Variants in RBMS3 observed in about 807,000 individuals in gnomAD.
RBMS3 encodes the protein RNA binding motif single stranded interacting protein 3.
In RBMS3, 27 loss-of-function variants were observed where a neutral mutation model predicts 66.8. The ratio of observed to expected loss-of-function variants is 0.40; its 90% CI spans 0.30 to 0.56. The LOEUF is 0.56. Ranked by LOEUF, RBMS3 falls within the 20% of genes least tolerant of loss-of-function variation. RBMS3 has a pLI of 0.40. For synonymous variants in RBMS3, 188 were observed against 183.0 expected, an observed-to-expected ratio of 1.03 and a Z score of -0.22; for missense variants, 513 against 549.5, an observed-to-expected ratio of 0.93 and a Z score of 0.66.
At chr3:29,892,847 T>TATGTATGTATG (rs34251421) in intron 8 of RBMS3, among the ~76,000 whole-genome samples, 12 of 53,274 alleles carry the variant, frequency 2.3e-4, no homozygotes, top group Non-Finnish European at 5.1e-4. Flanking sequence ...ATGTATGTAT[T>TATGTATGTATG]TATTTATTTA....
chr3:29,664,612 T>C (rs1241921408), intron 4 of RBMS3, among the ~76,000 whole-genome samples: 1 of 151,190 alleles, frequency 6.6e-6, no homozygotes, highest in Non-Finnish European at 1.5e-5. Flanking sequence ...ATAAGCATTA[T>C]ACAAAAAAAT....
chr3:29,871,299 G>A (rs1027804526), intron 7 of RBMS3, among the ~76,000 whole-genome samples: 3 of 152,056 alleles, frequency 2.0e-5, no homozygotes, highest in Admixed American at 6.6e-5. Flanking sequence ...ACATTGTCGG[G>A]TTAAGGTCTT....
At chr3:29,371,443 A>G (rs2038198919) in intron 1 of RBMS3, among the ~76,000 whole-genome samples, 1 of 152,208 alleles carries the variant, frequency 6.6e-6, no homozygotes, top group Non-Finnish European at 1.5e-5. Flanking sequence ...CTAGCTGTAA[A>G]ATTATGTTGG....
intron 3 of RBMS3, among the ~76,000 whole-genome samples, chr3:29,569,817 C>T (rs1446582188): frequency 6.6e-6 from 1 of 152,168 alleles, no homozygotes; most frequent in East Asian, 1.9e-4. Context: ...AAAAATCTTT[C>T]CAAATCTTGG....
intron 1 of RBMS3, among the ~76,000 whole-genome samples, chr3:29,397,043 T>C (rs1468726781): frequency 6.6e-6 from 1 of 152,214 alleles, no homozygotes; most frequent in African/African-American, 2.4e-5. Context: ...ATAATGAAAT[T>C]GTGCATCATT....
At chr3:29,589,541 A>G (rs1045858979) in intron 4 of RBMS3, among the ~76,000 whole-genome samples, 1 of 152,142 alleles carries the variant, frequency 6.6e-6, no homozygotes, top group African/African-American at 2.4e-5. Context: ...TCAGCAATGA[A>G]TGACTCTGTA....
intron 3 of RBMS3, among the ~76,000 whole-genome samples, chr3:29,535,809 G>C (rs2045535934): frequency 7.3e-6 from 1 of 137,814 alleles, no homozygotes; most frequent in African/African-American, 2.7e-5. Context: ...GGACTGCATG[G>C]CTCCCTTCAT....
intron 10 of RBMS3, among the ~76,000 whole-genome samples, chr3:29,912,016 A>T (rs1204200907): frequency 1.3e-5 from 2 of 150,950 alleles, no homozygotes; most frequent in Non-Finnish European, 2.9e-5. Context: ...AATAGATGAT[A>T]GAATGGGTGG....
chr3:29,897,558 G>A, intron 9 of RBMS3, 83 bp downstream of exon 9: 2 of 1,292,788 alleles, frequency 1.5e-6, no homozygotes, highest in Non-Finnish European at 1.1e-6. Flanking sequence ...ACAGTAGAAT[G>A]AAAAGAAAAA....
chr3:29,706,704 T>G (rs2052911182), intron 4 of RBMS3, among the ~76,000 whole-genome samples: 1 of 152,112 alleles, frequency 6.6e-6, no homozygotes, highest in African/African-American at 2.4e-5. Flanking sequence ...GTTCATAGAG[T>G]CCATCACCAT....
chr3:29,453,636 G>A (rs1485097970), intron 2 of RBMS3, among the ~76,000 whole-genome samples: 1 of 152,194 alleles, frequency 6.6e-6, no homozygotes, highest in East Asian at 1.9e-4. Flanking sequence ...CATGCGTCCT[G>A]AGCTGTGGTG....
intron 10 of RBMS3, among the ~76,000 whole-genome samples, chr3:29,932,575 T>C (rs375991798): frequency 6.6e-6 from 1 of 152,348 alleles, no homozygotes; most frequent in East Asian, 1.9e-4. Context: ...GGAATATTAA[T>C]GCAGCTAGTT....
chr3:29,774,018 A>G (rs560914124), intron 6 of RBMS3, among the ~76,000 whole-genome samples: 1 of 152,192 alleles, frequency 6.6e-6, no homozygotes, highest in African/African-American at 2.4e-5. Context: ...ACCTTGTTTC[A>G]AAGTCTGTTT....
intron 10 of RBMS3, among the ~76,000 whole-genome samples, chr3:29,900,765 CATT>C (rs1304713438): frequency 1.3e-5 from 2 of 151,720 alleles, no homozygotes; most frequent in South Asian, 2.1e-4. Flanking sequence ...ACATGCTATG[CATT>C]ATTATTATCA....
intron 13 of RBMS3, 60 bp downstream of exon 13, chr3:29,988,283 G>T: frequency 1.4e-6 from 2 of 1,395,042 alleles, no homozygotes; most frequent in South Asian, 1.2e-5. Context: ...CACATATACT[G>T]TAGTCCCCCA....
intron 12 of RBMS3, among the ~76,000 whole-genome samples, chr3:29,967,133 A>G (rs1305518710): frequency 1.3e-5 from 2 of 152,084 alleles, no homozygotes; most frequent in Admixed American, 1.3e-4. Flanking sequence ...TTCATCAAGG[A>G]TATCAGTCTG....
intron 1 of RBMS3, among the ~76,000 whole-genome samples, chr3:29,349,259 G>C (rs1409709445): frequency 1.3e-5 from 2 of 152,186 alleles, no homozygotes; most frequent in East Asian, 3.9e-4. Flanking sequence ...GGTTTTCCTG[G>C]ACAGGAGACA....
chr3:29,989,150 A>G (rs1310572484), intron 13 of RBMS3, among the ~76,000 whole-genome samples: 3 of 152,172 alleles, frequency 2.0e-5, no homozygotes, highest in African/African-American at 7.2e-5. Flanking sequence ...TACAACTCTT[A>G]TTGCTGTAGA....
chr3:29,470,496 A>G (rs2042688430), intron 2 of RBMS3, among the ~76,000 whole-genome samples: 1 of 152,060 alleles, frequency 6.6e-6, no homozygotes, highest in Admixed American at 6.6e-5. Context: ...TGTTTGTAGG[A>G]AGAAGTCTTT....
Sources: gnomAD v4.1 joint callset for allele counts (sites outside exome capture counted in the v4.1 genomes callset) on GRCh38, gnomAD v4.1.1 for gene constraint, MANE v1.5 for transcripts, NCBI Gene and HGNC (gene_info 2026-07-23, HGNC 2026-07-21) for gene names.